GALK2: variants seen among roughly 807,000 people sequenced by gnomAD.
The protein encoded by GALK2 is galactokinase 2.
GALK2 carries 36 observed loss-of-function variants against 52.4 expected under a neutral mutation model. The ratio of observed to expected loss-of-function variants is 0.69; its 90% CI spans 0.53 to 0.91. The LOEUF (loss-of-function observed/expected upper bound fraction) is 0.91. Among genes scored for constraint, GALK2 ranks in the 40% least tolerant of loss-of-function variants. The pLI, the probability that GALK2 is intolerant of heterozygous loss-of-function variation, is 0.00. For missense variants in GALK2, 579 were observed against 559.1 expected (o/e 1.04, Z -0.36); for synonymous variants, 176 against 199.1 (o/e 0.88, Z 0.98).
intron 9 of GALK2, among the ~76,000 whole-genome samples, chr15:49,321,662 G>T (rs2036883465): frequency 6.6e-6 from 1 of 152,146 alleles, no homozygotes; most frequent in Admixed American, 6.5e-5. Flanking sequence ...GGCACTAAGA[G>T]ATGAAATAAT....
intron 1 of GALK2, among the ~76,000 whole-genome samples, chr15:49,160,641 G>A (rs2084621782): frequency 6.6e-6 from 1 of 152,078 alleles, no homozygotes. Flanking sequence ...GAGGTGGGTG[G>A]ATCACGAGGT....
chr15:49,210,957 T>TCTCA (rs1555405131), intron 2 of GALK2, among the ~76,000 whole-genome samples: 139 of 112,842 alleles, frequency 1.2e-3, no homozygotes, highest in Admixed American at 1.5e-3. Flanking sequence ...ATGTTGGCTG[T>TCTCA]CACACACACA....
chr15:49,366,956 T>G (rs2045323657), intron 3 of GALK2, among the ~76,000 whole-genome samples: 1 of 152,220 alleles, frequency 6.6e-6, no homozygotes, highest in Non-Finnish European at 1.5e-5. Context: ...GCCCTACCCC[T>G]GCTTCAACCA....
intron 1 of GALK2, among the ~76,000 whole-genome samples, chr15:49,159,828 C>T (rs2084588839): frequency 6.6e-6 from 1 of 151,736 alleles, no homozygotes; most frequent in African/African-American, 2.4e-5. Context: ...ATGTATATAC[C>T]CATTATCAGC....
chr15:49,209,270 G>A (rs963625142), intron 2 of GALK2, among the ~76,000 whole-genome samples: 5 of 152,260 alleles, frequency 3.3e-5, no homozygotes, highest in South Asian at 2.1e-4. Flanking sequence ...ATCATGTTGT[G>A]TACAAGTAGA....
At chr15:49,292,607 A>C in intron 8 of GALK2, 70 bp downstream of exon 8, 1 of 1,280,570 alleles carries the variant, frequency 7.8e-7, no homozygotes, top group Non-Finnish European at 1.1e-6. Context: ...CAATTTCTCC[A>C]CTGGTTTTAG....
chr15:49,170,575 A>AG, intron 1 of GALK2, 200 bp downstream of exon 1: 2 of 574,794 alleles, frequency 3.5e-6, no homozygotes, highest in Non-Finnish European at 6.2e-6. Flanking sequence ...ACTACTACGA[A>AG]GGGTTGTATG....
At chr15:49,228,329 T>C (rs1199875702) in intron 3 of GALK2, among the ~76,000 whole-genome samples, 1 of 152,088 alleles carries the variant, frequency 6.6e-6, no homozygotes, top group African/African-American at 2.4e-5. Flanking sequence ...TTTGGTTTTC[T>C]CTGCTTTCTT....
At chr15:49,242,889 AAAC>A (rs2091167506) in intron 5 of GALK2, among the ~76,000 whole-genome samples, 1 of 152,200 alleles carries the variant, frequency 6.6e-6, no homozygotes, top group African/African-American at 2.4e-5. Flanking sequence ...AATCATTTCC[AAAC>A]AACAGGGAAA....
At chr15:49,167,676 C>T (rs2141161083), upstream of GALK2, among the ~76,000 whole-genome samples, 1 of 152,246 alleles carries the variant, frequency 6.6e-6, no homozygotes. Flanking sequence ...TAAATGTTTT[C>T]ACTATTAGAT....
intron 1 of GALK2, among the ~76,000 whole-genome samples, chr15:49,184,322 T>C (rs1476361663): frequency 2.6e-5 from 4 of 152,162 alleles, no homozygotes; most frequent in Non-Finnish European, 5.9e-5. Flanking sequence ...TGGCATGGAA[T>C]ATCTTTTTTC....
chr15:49,275,510 C>T (rs945773415), intron 5 of GALK2, among the ~76,000 whole-genome samples: 6 of 152,164 alleles, frequency 3.9e-5, no homozygotes, highest in Admixed American at 6.5e-5. Context: ...TCCTTCCTTT[C>T]TCTTGACTTG....
At chr15:49,199,042 C>G (rs1321818448) in intron 1 of GALK2, 1 of 152,464 alleles carries the variant, frequency 6.6e-6, no homozygotes, top group African/African-American at 2.4e-5. Flanking sequence ...GTGATAATCC[C>G]TTGGCCCCCA....
At chr15:49,354,710 G>A (rs8035266) in intron 3 of GALK2, among the ~76,000 whole-genome samples, 66,398 of 152,036 alleles carry the variant, frequency 0.44, 14,766 homozygotes, top group African/African-American at 0.51. Context: ...CAAAACAGTC[G>A]GGAAGCTCGA....
chr15:49,195,104 C>T (rs1039670045), intron 1 of GALK2: 1 of 452,448 alleles, frequency 2.2e-6, no homozygotes, highest in African/African-American at 2.0e-5. Context: ...CGCTCTGTCA[C>T]CTGTGCTGGA....
At chr15:49,301,688 C>T (rs527727987) in intron 8 of GALK2, among the ~76,000 whole-genome samples, 1 of 152,174 alleles carries the variant, frequency 6.6e-6, no homozygotes, top group South Asian at 2.1e-4. Context: ...GTCCAAACTG[C>T]TCTGGGTTGG....
At chr15:49,318,826 G>A in intron 8 of GALK2, 1 of 401,868 alleles carries the variant, frequency 2.5e-6, no homozygotes. Context: ...GCCACATTCT[G>A]GATGTGTGTC....
chr15:49,367,614 A>G (rs1427063058), exon 4 of GALK2: 2 of 1,540,394 alleles, frequency 1.3e-6, no homozygotes, highest in East Asian at 5.0e-5. Context: ...TGCGACTGTA[A>G]GAGGAAGAAA....
intron 8 of GALK2, among the ~76,000 whole-genome samples, chr15:49,305,422 G>C (rs1228782329): frequency 6.6e-6 from 1 of 152,092 alleles, no homozygotes; most frequent in Non-Finnish European, 1.5e-5. Context: ...ATGGTTTCTT[G>C]TTTTGTCTTT....
Sources: allele counts gnomAD v4.1 joint callset (sites outside exome capture counted in the v4.1 genomes callset), GRCh38; gene constraint gnomAD v4.1.1; transcripts MANE v1.5; gene names NCBI Gene and HGNC (gene_info 2026-07-23, HGNC 2026-07-21).